Variants in YLPM1 observed in about 807,000 individuals in gnomAD.
YLPM1 encodes the protein YLP motif-containing protein 1.
Under a neutral mutation model 230.0 loss-of-function variants are expected in YLPM1, and 99 were observed. The ratio of observed to expected loss-of-function variants is 0.43; its 90% CI spans 0.37 to 0.51. The LOEUF is 0.51. YLPM1 is among the 20% of genes least tolerant of loss of function. The pLI, the probability that YLPM1 is intolerant of heterozygous loss-of-function variation, is 0.00. For synonymous variants in YLPM1, 984 were observed against 942.5 expected (o/e 1.04, Z -0.81); for missense variants, 2,592 against 2,707.7 (o/e 0.96, Z 0.95).
rs1195980175 is a variant in YLPM1 at position 74,809,556 on chromosome 14, T to C, written c.4698T>C (p.Thr1566=). Residue 1566 remains threonine (T), a synonymous_variant, in exon 7 of 21, where the codon ACT becomes ACC. Coordinates refer to ENST00000325680, the MANE Select transcript of YLPM1 (RefSeq NM_019589.3). ...CTCCTCCAGTGATAAAGCCACAAAC[T>C]TCAGCTGTAGAACAGGAACGATGGG... ...PPPPPVIKPQ[T]SAVEQERWDE... is the part of the protein sequence containing the mutation. 2 of 1,605,396 alleles carry C rather than the reference T, an allele frequency of 1.2e-6. No homozygotes were observed. The highest frequency in any genetic ancestry group is 1.3e-5 in the African/African-American group (1 of 74,874).
chr14:74,766,309 C>A lies in YLPM1; in HGVS notation c.873+1947C>A, dbSNP rs917123251. On this transcript the variant is annotated intron_variant, in intron 1 of 20. Coordinates refer to ENST00000325680, the MANE Select transcript of YLPM1 (RefSeq NM_019589.3). ...GCAATCCTTCTACATATTTATTATT[C>A]TTTGATTCATATTTTGTTTTTGGAA... 3.3e-5 allele frequency among the ~76,000 whole-genome samples: 5 copies of A among 152,168 alleles called. No individual in the cohort carries two copies. In the South Asian group the frequency reaches 1.0e-3, roughly 32 times the overall value.
intron 4 of YLPM1, among the ~76,000 whole-genome samples, chr14:74,789,070 G>A (rs2091178310): frequency 6.6e-6 from 1 of 152,090 alleles, no homozygotes; most frequent in Non-Finnish European, 1.5e-5. Context: ...TAAATTCAAT[G>A]TTTAAATGAG....
In YLPM1 at chr14:74,816,276, G is replaced by T; in HGVS notation, c.5565+11G>T. On this transcript the variant is annotated intron_variant, in intron 12 of 20. Coordinates refer to ENST00000325680, the MANE Select transcript of YLPM1 (RefSeq NM_019589.3). ...GCAAAACTTATTCGAGTGAGTATGG[G>T]GAAGCTGAAAAATCAGCTGCTTGTG... is the stretch of plus-strand genomic sequence containing the variant. 1 of 1,609,552 alleles carries T rather than the reference G, an allele frequency of 6.2e-7. No homozygotes were observed. Among genetic ancestry groups the T allele is most frequent in the Non-Finnish European group, 8.5e-7 (1 of 1,177,922 alleles).
chr14:74,782,166 C>T lies in YLPM1; in HGVS notation c.2123C>T (p.Ala708Val), dbSNP rs773956735. 1.2e-6 allele frequency: 2 copies of T among 1,612,158 alleles called. No homozygotes were observed. The highest frequency in any genetic ancestry group is 1.1e-5 in the South Asian group (1 of 91,050). ...TCAAAAGCTCCTTTGAGCAAGTCTG[C>T]TCTGCCATACAGTTCATTCTCATCT... ...VNSKAPLSKS[A>V]LPYSSFSSDQ... Residue 708 changes from alanine to valine, a missense_variant, in exon 4 of 21, where the codon GCT becomes GTT. Physicochemically the swap from Ala to Val is moderately conservative, Grantham distance 64. Around this residue, in one of 4 missense-constraint regions of YLPM1, gnomAD observed 1,862 missense variants for 1,819.8 expected, o/e 1.02. Transcript: ENST00000325680.
At chr14:74,830,176 G>T (rs1446731256) in intron 19 of YLPM1, among the ~76,000 whole-genome samples, 1 of 152,186 alleles carries the variant, frequency 6.6e-6, no homozygotes, top group Admixed American at 6.6e-5. Context: ...GATGATTGTA[G>T]TTTGTCATCA....
intron 17 of YLPM1, 165 bp from the exon 18 acceptor site, chr14:74,824,091 A>C (rs2091544321): frequency 6.3e-6 from 4 of 637,596 alleles, no homozygotes; most frequent in Non-Finnish European, 1.1e-5. Context: ...TTGGTCATTT[A>C]GTTTCTTCAA....
At position 74,781,725 on chromosome 14, in the gene YLPM1, C is replaced by T. The variant is rs372201013; in HGVS notation, c.1682C>T (p.Pro561Leu). Residue 561 changes from proline (P) to leucine (L), a missense_variant, in exon 4 of 21, where the codon CCC becomes CTC. Coordinates refer to ENST00000325680, the MANE Select transcript of YLPM1 (RefSeq NM_019589.3). ...GCTACAGTGCCACCACCTGGCATGCCCCCACCTGTTATGCCACCTTCTCTA... is the reference window on the plus strand; with the variant it reads ...GCTACAGTGCCACCACCTGGCATGCTCCCACCTGTTATGCCACCTTCTCTA... ...LPATVPPPGMPPPVMPPSLPT... is the reference protein window; with the variant it reads ...LPATVPPPGMLPPVMPPSLPT... The T allele has an allele frequency of 9.9e-6, 16 of 1,612,414 alleles. No homozygotes were observed. Among genetic ancestry groups the T allele is most frequent in the Non-Finnish European group, 1.4e-5 (16 of 1,179,516 alleles).
At position 74,763,638 on chromosome 14, in the gene YLPM1, T is replaced by C; in HGVS notation, c.149T>C (p.Phe50Ser). ...TTPAAPSSSG[F>S]MSFREQHLAQ... ...CCCGCGGCCCCCTCCTCCTCGGGCT[T>C]CATGAGCTTCCGCGAACAGCACTTG... The change falls in exon 1 of 21, where the codon TTC (phenylalanine) becomes TCC (serine). Residue 50 changes from phenylalanine to serine, a missense_variant. Around this residue, in one of 4 missense-constraint regions of YLPM1, gnomAD observed 1,862 missense variants for 1,819.8 expected, o/e 1.02. Transcript: ENST00000325680. The C allele has an allele frequency of 6.3e-7, 1 of 1,591,160 alleles. No individual in the cohort carries two copies. The highest frequency in any genetic ancestry group is 8.6e-7 in the Non-Finnish European group (1 of 1,167,778).
intron 1 of YLPM1, among the ~76,000 whole-genome samples, chr14:74,765,586 CTT>C (rs2090904114): frequency 6.6e-6 from 1 of 152,304 alleles, no homozygotes. Flanking sequence ...TTTCTGTCCT[CTT>C]TCCCACCCCA....
At chr14:74,808,236 T>C (rs1040173328) in intron 6 of YLPM1, among the ~76,000 whole-genome samples, 1 of 152,254 alleles carries the variant, frequency 6.6e-6, no homozygotes, top group African/African-American at 2.4e-5. Flanking sequence ...AATTATATAA[T>C]ATGTAGTCTT....
chr14:74,789,629 T>A (rs1566746780), intron 4 of YLPM1, among the ~76,000 whole-genome samples: 2 of 151,042 alleles, frequency 1.3e-5, no homozygotes, highest in East Asian at 1.9e-4. Flanking sequence ...TTTTCACATT[T>A]AAAAAAAATT....
intron 1 of YLPM1, among the ~76,000 whole-genome samples, chr14:74,772,772 C>T (rs909750370): frequency 6.6e-6 from 1 of 152,138 alleles, no homozygotes; most frequent in African/African-American, 2.4e-5. Context: ...ATGGAGTTAT[C>T]TGATATGATG....
At chr14:74,771,573 A>G (rs1421570983) in intron 1 of YLPM1, among the ~76,000 whole-genome samples, 1 of 152,242 alleles carries the variant, frequency 6.6e-6, no homozygotes, top group Non-Finnish European at 1.5e-5. Context: ...GTCAAGGAAC[A>G]GACTCTAGGA....
chr14:74,796,371 T>G (rs900728790), intron 4 of YLPM1, among the ~76,000 whole-genome samples: 32 of 152,366 alleles, frequency 2.1e-4, no homozygotes, highest in Middle Eastern at 6.8e-3. Context: ...CCTTTCCTCT[T>G]GCTTCCTTAG....
In YLPM1 at chr14:74,816,316, A is replaced by C. The variant is rs370590788; in HGVS notation, c.5565+51A>C. ...AGCTGCTTGTGCTGCTTGTGTTAGT[A>C]GTCACTTGCCTTCTTATTAATAGCA... is the stretch of plus-strand genomic sequence containing the variant. On this transcript the variant is annotated intron_variant, in intron 12 of 20. Transcript: ENST00000325680. 254 of 1,558,960 alleles carry C rather than the reference A, an allele frequency of 1.6e-4. 1 individual carries two copies. The Middle Eastern group carries it at 2.2e-3, about 13-fold the overall frequency.
At chr14:74,806,947 A>T (rs1193432797) in intron 6 of YLPM1, among the ~76,000 whole-genome samples, 1 of 152,184 alleles carries the variant, frequency 6.6e-6, no homozygotes, top group African/African-American at 2.4e-5. Flanking sequence ...ATTTATAAGT[A>T]TACATCTATG....
chr14:74,788,498 T>A (rs1330771885), intron 4 of YLPM1, among the ~76,000 whole-genome samples: 1 of 152,222 alleles, frequency 6.6e-6, no homozygotes, highest in African/African-American at 2.4e-5. Flanking sequence ...AGGTCCTTCC[T>A]GTTTAATAAC....
intron 6 of YLPM1, among the ~76,000 whole-genome samples, chr14:74,803,690 C>T (rs1333861440): frequency 1.3e-5 from 2 of 152,170 alleles, no homozygotes; most frequent in Non-Finnish European, 2.9e-5. Context: ...TCCTCACCAT[C>T]ACCTAGTCAC....
In YLPM1 at chr14:74,799,295, C is replaced by A; in HGVS notation, c.3998C>A (p.Pro1333His). 6.2e-7 allele frequency: 1 copy of A among 1,613,962 alleles called. No homozygotes were observed. ...FRERDIPSLP[P>H]LPPLPPLPPL... Reference sequence around the variant, plus strand: ...GAACGGGATATTCCATCTCTTCCACCTTTACCGCCCCTCCCACCTCTTCCA... The same window carrying A: ...GAACGGGATATTCCATCTCTTCCACATTTACCGCCCCTCCCACCTCTTCCA... Residue 1333 changes from proline to histidine, a missense_variant, in exon 5 of 21, where the codon CCT becomes CAT. Physicochemically the swap from Pro to His is moderately conservative, Grantham distance 77. Around this residue, in one of 4 missense-constraint regions of YLPM1, gnomAD observed 1,862 missense variants for 1,819.8 expected, o/e 1.02. Coordinates refer to ENST00000325680, the MANE Select transcript of YLPM1 (RefSeq NM_019589.3).
Sources: gnomAD v4.1 joint callset for allele counts (sites outside exome capture counted in the v4.1 genomes callset) on GRCh38, gnomAD v4.1.1 for gene constraint, gnomAD v4.1.1 regional missense constraint, MANE v1.5 for transcripts, NCBI Gene and HGNC (gene_info 2026-07-23, HGNC 2026-07-21) for gene names.